Variants in VPS4B observed in about 807,000 individuals in gnomAD.
VPS4B encodes vacuolar protein sorting 4 homolog B, also known as vacuolar protein sorting-associated protein 4B.
VPS4B carries 23 observed loss-of-function variants against 56.1 expected under a neutral mutation model. The observed-to-expected ratio is 0.41, with a 90% CI of 0.30 to 0.58. VPS4B has a LOEUF of 0.58. VPS4B is among the 20% of genes least tolerant of loss of function. The pLI is 0.29. For synonymous variants in VPS4B, 177 were observed against 186.0 expected (o/e 0.95, Z 0.39); for missense variants, 372 against 531.9 (o/e 0.70, Z 2.96).
At chr18:63,409,898 A>G (rs376517620) in intron 3 of VPS4B, among the ~76,000 whole-genome samples, 2 of 152,352 alleles carry the variant, frequency 1.3e-5, no homozygotes, top group African/African-American at 4.8e-5. Context: ...GCCAGAGAGT[A>G]ACTGAGTACT....
chr18:63,412,215 T>C (rs1414772136), intron 1 of VPS4B, among the ~76,000 whole-genome samples: 1 of 152,080 alleles, frequency 6.6e-6, no homozygotes, highest in Non-Finnish European at 1.5e-5. Context: ...AAAATAACAT[T>C]AAGAAATATT....
rs1915663125 is a variant in VPS4B, at chr18:63,396,134, A to T, written c.1092+900T>A. Among the ~76,000 whole-genome samples, 3 of 152,360 alleles carry T rather than the reference A, an allele frequency of 2.0e-5. No homozygotes were observed. The South Asian group carries it at 6.2e-4, about 32-fold the overall frequency. On this transcript the variant is annotated intron_variant, in intron 9 of 10. Transcript: ENST00000238497. ...CAGATTCTACTCAAAAATATTCTAG[A>T]TGTGTCAGAAGCAGCCTTACATCTG...
At chr18:63,397,343 T>G in intron 8 of VPS4B, 90 bp from the exon 9 acceptor site, 1 of 1,172,988 alleles carries the variant, frequency 8.5e-7, no homozygotes, top group Non-Finnish European at 1.2e-6. Flanking sequence ...TGGGCCTGTA[T>G]GTGCCAAGGT....
At chr18:63,393,586 C>T (rs777055755) in intron 9 of VPS4B, 37 bp from the exon 10 acceptor site, 19 of 1,507,930 alleles carry the variant, frequency 1.3e-5, no homozygotes, top group African/African-American at 4.2e-5. Flanking sequence ...GTATTTGAAA[C>T]AAAATTGAAC....
chr18:63,421,886 T>C (rs1260843589), intron 1 of VPS4B, among the ~76,000 whole-genome samples: 1 of 152,208 alleles, frequency 6.6e-6, no homozygotes, highest in Non-Finnish European at 1.5e-5. Flanking sequence ...CCACCCTATC[T>C]TCAACTGGTC....
At chr18:63,422,164 C>A (rs951671879) in intron 1 of VPS4B, 69 bp downstream of exon 1, 3 of 1,407,850 alleles carry the variant, frequency 2.1e-6, no homozygotes, top group Non-Finnish European at 2.8e-6. Flanking sequence ...TTCTCCCCGC[C>A]CCCCACCCGC....
chr18:63,399,809 T>C (rs2144417297), intron 7 of VPS4B, among the ~76,000 whole-genome samples: 1 of 152,316 alleles, frequency 6.6e-6, no homozygotes. Context: ...AATTTTTCAT[T>C]ACTGTTATAA....
intron 10 of VPS4B, 85 bp downstream of exon 10, chr18:63,393,324 G>T: frequency 7.5e-7 from 1 of 1,325,388 alleles, no homozygotes; most frequent in Non-Finnish European, 9.9e-7. Flanking sequence ...TTTATACTAA[G>T]ATTTTCCAGC....
At chr18:63,394,121 TA>T (rs1267768696) in intron 9 of VPS4B, among the ~76,000 whole-genome samples, 28 of 149,876 alleles carry the variant, frequency 1.9e-4, no homozygotes, top group Admixed American at 8.0e-4. Context: ...GAAGATGAGT[TA>T]AAAAAAAAAT....
chr18:63,412,879 C>T (rs2144434179), intron 1 of VPS4B, among the ~76,000 whole-genome samples: 1 of 151,854 alleles, frequency 6.6e-6, no homozygotes, highest in African/African-American at 2.4e-5. Context: ...GCGCAGAGTT[C>T]TTAGATTTGA....
intron 10 of VPS4B, among the ~76,000 whole-genome samples, chr18:63,392,713 G>C (rs1375369179): frequency 6.7e-6 from 1 of 148,324 alleles, no homozygotes; most frequent in Non-Finnish European, 1.5e-5. Flanking sequence ...CTCCCAAAGT[G>C]TTGGGATTAC....
At chr18:63,396,999 A>AT in intron 9 of VPS4B, 35 bp downstream of exon 9, 1 of 1,597,440 alleles carries the variant, frequency 6.3e-7, no homozygotes, top group East Asian at 2.2e-5. Context: ...AAAAAAAAAA[A>AT]AAAAGATAGG....
chr18:63,408,518 CAT>C (rs1278680284), intron 3 of VPS4B, among the ~76,000 whole-genome samples: 2 of 152,146 alleles, frequency 1.3e-5, no homozygotes, highest in African/African-American at 2.4e-5. Flanking sequence ...TAGGGTTCCA[CAT>C]GAGACCTAAA....
At chr18:63,406,300 C>G (rs1915915155) in intron 4 of VPS4B, among the ~76,000 whole-genome samples, 1 of 152,224 alleles carries the variant, frequency 6.6e-6, no homozygotes, top group Non-Finnish European at 1.5e-5. Flanking sequence ...TAAAGATGTT[C>G]TCTATTCATT....
intron 4 of VPS4B, among the ~76,000 whole-genome samples, chr18:63,405,863 G>A (rs1915906283): frequency 6.6e-6 from 1 of 151,886 alleles, no homozygotes; most frequent in South Asian, 2.1e-4. Flanking sequence ...GTGTGTGCCT[G>A]TGTTCCCAGC....
chr18:63,396,778 C>T lies in VPS4B; in HGVS notation c.1092+256G>A, dbSNP rs1568083979. ...CCGAGGTGGGTGGATCACCTGGAGT[C>T]AGGAGTTCGAGACCAGCCTGGCCAA... On this transcript the variant is annotated intron_variant, in intron 9 of 10. Transcript: ENST00000238497. 1.3e-5 allele frequency: 5 copies of T among 398,774 alleles called. No individual in the cohort carries two copies. The East Asian group carries it at 2.1e-4, about 17-fold the overall frequency. 24.7% of individuals were successfully genotyped at this position (398,774 alleles called of 1,614,324 possible).
chr18:63,410,231 A>G, intron 3 of VPS4B, 59 bp downstream of exon 3: 7 of 1,594,436 alleles, frequency 4.4e-6, no homozygotes, highest in Non-Finnish European at 6.0e-6. Flanking sequence ...TAATCAAAAG[A>G]AATTTCACAA....
At position 63,395,896 on chromosome 18, in the gene VPS4B, G is replaced by A. The variant is rs537998128; in HGVS notation, c.1092+1138C>T. ...ATTTGGAAACACACCTCACCTCCAG[G>A]CAAATCACATGTCTGTCCCACTCTA... On this transcript the variant is annotated intron_variant, in intron 9 of 10. Transcript: ENST00000238497. Among the ~76,000 whole-genome samples, 7 of 152,264 alleles carry A rather than the reference G, an allele frequency of 4.6e-5. No homozygotes were observed. In the South Asian group the frequency reaches 1.5e-3, roughly 32 times the overall value.
intron 5 of VPS4B, among the ~76,000 whole-genome samples, 200 bp downstream of exon 5, chr18:63,403,507 G>T (rs927236379): frequency 6.6e-6 from 1 of 152,072 alleles, no homozygotes; most frequent in Non-Finnish European, 1.5e-5. Context: ...TGACATTTAG[G>T]TTGTTTTGCA....
Sources: gnomAD v4.1 joint callset for allele counts (sites outside exome capture counted in the v4.1 genomes callset) on GRCh38, gnomAD v4.1.1 for gene constraint, MANE v1.5 for transcripts, NCBI Gene and HGNC (gene_info 2026-07-23, HGNC 2026-07-21) for gene names.